CSMD1: variants seen among roughly 807,000 people sequenced by gnomAD.
The protein encoded by CSMD1 is CUB and sushi domain-containing protein 1.
CSMD1 carries 213 observed loss-of-function variants against 417.5 expected under a neutral mutation model. That is an observed-to-expected ratio of 0.51 (90% CI 0.46 to 0.57). CSMD1 has a LOEUF of 0.57. CSMD1 is among the 20% of genes least tolerant of loss of function. The pLI, the probability that CSMD1 is intolerant of heterozygous loss-of-function variation, is 0.00. For missense variants in CSMD1, 6,923 were observed against 4,529.7 expected (o/e 1.53, Z -15.17); for synonymous variants, 2,862 against 1,736.8 (o/e 1.65, Z -16.11).
At chr8:4,358,369 T>C (rs980658041) in intron 3 of CSMD1, among the ~76,000 whole-genome samples, 6 of 152,146 alleles carry the variant, frequency 3.9e-5, no homozygotes, top group Non-Finnish European at 7.3e-5. Flanking sequence ...CACTTTTTAA[T>C]GGTTGAAAAG....
At chr8:3,305,252 C>T (rs568343602) in intron 25 of CSMD1, among the ~76,000 whole-genome samples, 3 of 152,092 alleles carry the variant, frequency 2.0e-5, no homozygotes, top group Non-Finnish European at 4.4e-5. Context: ...AATTCTGTTA[C>T]TCAGCTATAA....
chr8:4,548,343 C>T (rs1285889265), intron 2 of CSMD1, among the ~76,000 whole-genome samples: 1 of 152,094 alleles, frequency 6.6e-6, no homozygotes, highest in African/African-American at 2.4e-5. Context: ...CCCCAAGAAG[C>T]AAATACTCTA....
chr8:4,210,476 CAG>C (rs569239505), intron 3 of CSMD1, among the ~76,000 whole-genome samples: 1 of 152,160 alleles, frequency 6.6e-6, no homozygotes, highest in Admixed American at 6.5e-5. Context: ...GAACTGCAAA[CAG>C]ACAATAATTC....
chr8:3,424,508 A>G (rs1813698406), intron 12 of CSMD1, among the ~76,000 whole-genome samples: 3 of 152,234 alleles, frequency 2.0e-5, no homozygotes, highest in Admixed American at 1.3e-4. Flanking sequence ...GGTCATATAG[A>G]GAAAAAAAGT....
chr8:3,025,080 T>G (rs1809756532), intron 51 of CSMD1, among the ~76,000 whole-genome samples: 2 of 151,364 alleles, frequency 1.3e-5, no homozygotes, highest in Middle Eastern at 3.4e-3. Flanking sequence ...CTGTGTATTG[T>G]GTGGTGTTAT....
At chr8:3,411,329 G>T (rs1260394588) in intron 12 of CSMD1, among the ~76,000 whole-genome samples, 1 of 151,808 alleles carries the variant, frequency 6.6e-6, no homozygotes, top group Non-Finnish European at 1.5e-5. Flanking sequence ...ATTCTTTGTG[G>T]GGTATTTTTT....
intron 1 of CSMD1, among the ~76,000 whole-genome samples, chr8:4,866,162 T>C (rs1802409151): frequency 6.6e-6 from 1 of 151,930 alleles, no homozygotes; most frequent in Admixed American, 6.6e-5. Context: ...GTTTATGACA[T>C]CTGTTTAAGA....
At chr8:4,874,049 ATC>A (rs947960834) in intron 1 of CSMD1, among the ~76,000 whole-genome samples, 5 of 152,150 alleles carry the variant, frequency 3.3e-5, no homozygotes, top group African/African-American at 1.2e-4. Flanking sequence ...TCTGTGTGTC[ATC>A]TACCTTTACC....
chr8:4,493,737 C>G (rs1801840766), intron 2 of CSMD1, among the ~76,000 whole-genome samples: 2 of 152,054 alleles, frequency 1.3e-5, no homozygotes, highest in Non-Finnish European at 2.9e-5. Flanking sequence ...CCTAATAATT[C>G]AACATTTAAA....
chr8:3,238,743 A>T (rs1799309754), intron 26 of CSMD1, among the ~76,000 whole-genome samples: 1 of 152,216 alleles, frequency 6.6e-6, no homozygotes, highest in Non-Finnish European at 1.5e-5. Context: ...ACCACCCAGG[A>T]CATCTAATTA....
chr8:4,302,891 G>T (rs1345926623), intron 3 of CSMD1, among the ~76,000 whole-genome samples: 1 of 151,980 alleles, frequency 6.6e-6, no homozygotes, highest in African/African-American at 2.4e-5. Flanking sequence ...CCTCCATGCT[G>T]ATTCATATTA....
At chr8:3,050,450 A>G (rs934165759) in intron 50 of CSMD1, among the ~76,000 whole-genome samples, 3 of 152,216 alleles carry the variant, frequency 2.0e-5, no homozygotes, top group Non-Finnish European at 2.9e-5. Context: ...CTGTGTGCAA[A>G]AGAAACATTG....
At chr8:3,172,216 T>C (rs1027686132) in intron 37 of CSMD1, among the ~76,000 whole-genome samples, 2 of 152,228 alleles carry the variant, frequency 1.3e-5, no homozygotes, top group Admixed American at 6.5e-5. Context: ...GTCTTCCTTT[T>C]CTGACTGCTC....
At chr8:3,816,208 T>G (rs1801357014) in intron 5 of CSMD1, among the ~76,000 whole-genome samples, 1 of 152,172 alleles carries the variant, frequency 6.6e-6, no homozygotes, top group African/African-American at 2.4e-5. Flanking sequence ...ATCACGACTT[T>G]TCAGACAGAA....
chr8:3,020,611 C>T (rs1040732005), intron 51 of CSMD1, among the ~76,000 whole-genome samples: 9 of 152,068 alleles, frequency 5.9e-5, no homozygotes, highest in Admixed American at 6.5e-5. Flanking sequence ...TGGGCTCAGG[C>T]GAATCCTCCC....
chr8:3,348,218 A>AT, intron 21 of CSMD1, 57 bp from the exon 22 acceptor site: 1 of 1,410,900 alleles, frequency 7.1e-7, no homozygotes, highest in Non-Finnish European at 9.8e-7. Context: ...ACTGTTTTTA[A>AT]CAGATTAAAA....
At chr8:4,501,300 G>A (rs1359540225) in intron 2 of CSMD1, among the ~76,000 whole-genome samples, 1 of 152,032 alleles carries the variant, frequency 6.6e-6, no homozygotes. Flanking sequence ...TTAAAAACAT[G>A]AATGATTGTT....
intron 40 of CSMD1, among the ~76,000 whole-genome samples, chr8:3,145,817 T>A (rs1225038494): frequency 1.3e-5 from 2 of 152,218 alleles, no homozygotes; most frequent in South Asian, 2.1e-4. Context: ...AAAATCTGAA[T>A]ACTTACCTTT....
rs1184414015 is a variant in CSMD1 at position 4,011,734 on chromosome 8, C to CT, written c.611-13625dup. 4.6e-5 allele frequency among the ~76,000 whole-genome samples: 7 copies of CT among 152,098 alleles called. No homozygotes were observed. In the East Asian group the frequency reaches 7.7e-4, roughly 17 times the overall value. ...AAAATAGTACGGAGTTATCAGCATA[C>CT]TTTTTTCTCATTTTCTCCCAGTGGT... On this transcript the variant is annotated intron_variant, in intron 4 of 69. Transcript: ENST00000635120.
Sources: allele counts gnomAD v4.1 joint callset (sites outside exome capture counted in the v4.1 genomes callset), GRCh38; gene constraint gnomAD v4.1.1; transcripts MANE v1.5; gene names NCBI Gene and HGNC (gene_info 2026-07-23, HGNC 2026-07-21).